The following SEC22A variants were observed in gnomAD, a reference collection of about 807,000 sequenced individuals.
SEC22A encodes SEC22 homolog A, vesicle trafficking protein.
SEC22A carries 22 observed loss-of-function variants against 35.3 expected under a neutral mutation model. The ratio of observed to expected loss-of-function variants is 0.62; its 90% CI spans 0.45 to 0.89. The LOEUF (loss-of-function observed/expected upper bound fraction) is 0.89, where lower values mean the gene tolerates loss of function less well. Among genes scored for constraint, SEC22A ranks in the 40% least tolerant of loss-of-function variants. The probability of loss-of-function intolerance (pLI) is 0.00; values close to 1 mark genes in which losing one functional copy is unlikely to be tolerated. For missense variants in SEC22A, 354 were observed against 362.5 expected (o/e 0.98, Z 0.19); for synonymous variants, 119 against 129.5 (o/e 0.92, Z 0.55).
At chr3:123,248,891 C>T (rs192821352) in intron 5 of SEC22A, among the ~76,000 whole-genome samples, 2 of 152,232 alleles carry the variant, frequency 1.3e-5, no homozygotes, top group Non-Finnish European at 2.9e-5. Context: ...GCTAGGTGTC[C>T]CTTAATTCAA....
intron 1 of SEC22A, chr3:123,208,729 A>AC (rs1215936342): frequency 6.5e-6 from 1 of 154,034 alleles, no homozygotes; most frequent in Non-Finnish European, 1.4e-5. Flanking sequence ...CAAAAAAAAA[A>AC]ACAAAAAACA....
At position 123,257,995 on chromosome 3, in the gene SEC22A, G is replaced by GAAA. The variant is rs61068587; in HGVS notation, c.658-1518_658-1516dup. Among the ~76,000 whole-genome samples the GAAA allele has an allele frequency of 1.3e-4, 14 of 111,484 alleles. 1 individual carries two copies. The highest frequency in any genetic ancestry group is 3.7e-4 in the African/African-American group (12 of 32,070). 73.1% of individuals were successfully genotyped at this position (111,484 alleles called of 152,430 possible). A position where few individuals can be genotyped will look rare whatever the true frequency, so the allele number is the denominator to read the frequency against. On this transcript the variant is annotated intron_variant, in intron 5 of 6. Coordinates refer to ENST00000492595, the MANE Select transcript of SEC22A (RefSeq NM_012430.5). The stretch of plus-strand genomic sequence containing the variant: ...TGACAGAGCAAGACTCCATCTCATT[G>GAAA]AAAAAAAAAAAAAGGAAGGAAGGAA...
intron 4 of SEC22A, among the ~76,000 whole-genome samples, chr3:123,225,551 A>T (rs180974030): frequency 6.3e-4 from 96 of 152,320 alleles, no homozygotes; most frequent in African/African-American, 2.2e-3. Context: ...AATTAAAAAA[A>T]GTTAATTTTC....
chr3:123,227,009 C>T (rs1937227466), intron 4 of SEC22A, among the ~76,000 whole-genome samples: 3 of 152,188 alleles, frequency 2.0e-5, no homozygotes, highest in Admixed American at 2.0e-4. Context: ...AAAATGGCTA[C>T]ATTCAAGGCC....
At chr3:123,225,408 A>C in intron 4 of SEC22A, 111 bp downstream of exon 4, 1 of 579,046 alleles carries the variant, frequency 1.7e-6, no homozygotes, top group East Asian at 3.0e-5. Context: ...TACATGAGAG[A>C]ATATAGAAGT....
At chr3:123,270,979 C>T (rs958028130) in intron 6 of SEC22A, among the ~76,000 whole-genome samples, 6 of 152,152 alleles carry the variant, frequency 3.9e-5, no homozygotes, top group African/African-American at 1.4e-4. Flanking sequence ...TTGTAGCAGG[C>T]CCTGAGTAAA....
intron 2 of SEC22A, among the ~76,000 whole-genome samples, chr3:123,222,493 G>A (rs1010624085): frequency 2.0e-5 from 3 of 151,940 alleles, no homozygotes; most frequent in African/African-American, 2.4e-5. Flanking sequence ...ACCATGCCCG[G>A]CCTCTTTAGC....
At chr3:123,252,785 G>A (rs1464452919) in intron 5 of SEC22A, among the ~76,000 whole-genome samples, 2 of 152,152 alleles carry the variant, frequency 1.3e-5, no homozygotes, top group Non-Finnish European at 2.9e-5. Flanking sequence ...GATAGCAAGG[G>A]ATTTATTCAA....
intron 6 of SEC22A, among the ~76,000 whole-genome samples, chr3:123,269,982 A>C (rs140540864): frequency 0.013 from 1,930 of 152,240 alleles, 41 homozygotes; most frequent in African/African-American, 0.045. Context: ...TGGAATATAC[A>C]TGACAATTAA....
Position 123,222,058 on chromosome 3 carries a change from A to G in SEC22A, c.183-1501A>G, listed in dbSNP as rs535048302. On this transcript the variant is annotated intron_variant, in intron 2 of 6. Coordinates refer to ENST00000492595, the MANE Select transcript of SEC22A (RefSeq NM_012430.5). The stretch of plus-strand genomic sequence containing the variant: ...CCTCAGTAAATTTAATGTTCCTACC[A>G]TACTTTATCTACTCTACTGCCAACT... Among the ~76,000 whole-genome samples the G allele has an allele frequency of 3.2e-4, 48 of 152,088 alleles. 1 individual carries two copies. The highest frequency in any genetic ancestry group is 4.1e-4 in the South Asian group (2 of 4,824).
chr3:123,246,053 C>G (rs12493729), intron 5 of SEC22A, 39 bp downstream of exon 5: 188,747 of 949,368 alleles, frequency 0.2, 19,321 homozygotes, highest in Middle Eastern at 0.28. Flanking sequence ...GACTGTGCCT[C>G]TTCATTCTAC....
intron 4 of SEC22A, among the ~76,000 whole-genome samples, chr3:123,235,835 A>G (rs1576493929): frequency 6.6e-6 from 1 of 152,256 alleles, no homozygotes; most frequent in Non-Finnish European, 1.5e-5. Context: ...AAAATGTGGT[A>G]TATCCATATA....
rs749045205 is a variant in SEC22A at position 123,223,751 on chromosome 3, A to C, written c.346+29A>C. The C allele has an allele frequency of 2.8e-5, 43 of 1,559,878 alleles. No homozygotes were observed. In the South Asian group the frequency reaches 4.3e-4, roughly 16 times the overall value. ...AGGGCCTGATTTTTTTTTCCTTTTT[A>C]TTCTGTCTGCATCCAATCATAAGCA... On this transcript the variant is annotated intron_variant, in intron 3 of 6. Coordinates refer to ENST00000492595, the MANE Select transcript of SEC22A (RefSeq NM_012430.5).
intron 1 of SEC22A, among the ~76,000 whole-genome samples, chr3:123,207,031 T>C (rs766740472): frequency 1.3e-5 from 2 of 152,174 alleles, no homozygotes; most frequent in Non-Finnish European, 2.9e-5. Context: ...GAGGTTGCAG[T>C]GAACTGAGAT....
At chr3:123,209,156 G>T in intron 1 of SEC22A, 43 bp from the exon 2 acceptor site, 3 of 1,474,366 alleles carry the variant, frequency 2.0e-6, no homozygotes, top group Non-Finnish European at 1.9e-6. Context: ...TATCAAGTTT[G>T]GCTTTAATTT....
chr3:123,234,794 A>G (rs1280735458), intron 4 of SEC22A, among the ~76,000 whole-genome samples: 1 of 152,116 alleles, frequency 6.6e-6, no homozygotes, highest in African/African-American at 2.4e-5. Context: ...AGGCCAAGAC[A>G]GGCAGATCGC....
intron 4 of SEC22A, among the ~76,000 whole-genome samples, chr3:123,240,118 T>C (rs759699333): frequency 7.2e-5 from 11 of 152,154 alleles, no homozygotes; most frequent in Non-Finnish European, 1.6e-4. Flanking sequence ...AAAGGTGGAC[T>C]CAGACAAGTT....
At chr3:123,242,909 C>T (rs904463461) in intron 4 of SEC22A, among the ~76,000 whole-genome samples, 3 of 152,142 alleles carry the variant, frequency 2.0e-5, no homozygotes, top group African/African-American at 7.2e-5. Flanking sequence ...CCCTCCCTTA[C>T]TTTTGATCTC....
In SEC22A at chr3:123,225,189, A is replaced by G. The variant is rs759229491; in HGVS notation, c.433A>G (p.Ile145Val). The change falls in exon 4 of 7, where the codon ATC becomes GTC. Residue 145 changes from isoleucine (I) to valine (V), a missense_variant. Transcript: ENST00000492595. ...KINLSDMQTE[I>V]KLRPPYQISM... ...AAATCTTTCTGACATGCAGACGGAAATCAAGCTGAGGCCTCCTTATCAAAT... is the reference window on the plus strand; with the variant it reads ...AAATCTTTCTGACATGCAGACGGAAGTCAAGCTGAGGCCTCCTTATCAAAT... The G allele has an allele frequency of 4.3e-6, 7 of 1,613,628 alleles. No individual in the cohort carries two copies. The highest frequency in any genetic ancestry group is 5.9e-6 in the Non-Finnish European group (7 of 1,179,666).
Sources: gnomAD v4.1 joint callset for allele counts (sites outside exome capture counted in the v4.1 genomes callset) on GRCh38, gnomAD v4.1.1 for gene constraint, MANE v1.5 for transcripts, NCBI Gene and HGNC (gene_info 2026-07-23, HGNC 2026-07-21) for gene names.